Variants in SORL1 observed in about 807,000 individuals in gnomAD.
The protein encoded by SORL1 is sortilin related receptor 1.
SORL1 carries 127 observed loss-of-function variants against 273.7 expected under a neutral mutation model. The ratio of observed to expected loss-of-function variants is 0.46; its 90% CI spans 0.40 to 0.54. The LOEUF is 0.54. SORL1 is among the 20% of genes least tolerant of loss of function. The probability of loss-of-function intolerance (pLI) is 0.00; values close to 1 mark genes in which losing one functional copy is unlikely to be tolerated. For missense variants in SORL1, 2,494 were observed against 2,846.1 expected, an observed-to-expected ratio of 0.88 and a Z score of 2.81; for synonymous variants, 1,031 against 1,067.4, an observed-to-expected ratio of 0.97 and a Z score of 0.66.
chr11:121,532,675 A>T, intron 12 of SORL1, 123 bp downstream of exon 12: 3 of 756,756 alleles, frequency 4.0e-6, no homozygotes, highest in Admixed American at 2.7e-5. Flanking sequence ...TGATCTCTGG[A>T]TATGAGTTAA....
intron 26 of SORL1, among the ~76,000 whole-genome samples, chr11:121,585,919 A>G (rs1229490599): frequency 6.6e-6 from 1 of 152,148 alleles, no homozygotes; most frequent in African/African-American, 2.4e-5. Context: ...TTGCAATGCA[A>G]CACTTGTACT....
chr11:121,500,343 G>T lies in SORL1; in HGVS notation c.939+3294G>T, dbSNP rs766136414. ...ATATTTCTTGCACAAATGTGTATCA[G>T]TAAGCAAAGACATGATCTGTGGACT... On this transcript the variant is annotated intron_variant, in intron 6 of 47. Coordinates refer to ENST00000260197, the MANE Select transcript of SORL1 (RefSeq NM_003105.6). Among the ~76,000 whole-genome samples the T allele has an allele frequency of 2.6e-5, 4 of 152,202 alleles. No homozygotes were observed. The South Asian group carries it at 8.3e-4, about 32-fold the overall frequency.
Position 121,577,236 on chromosome 11 carries a change from A to C in SORL1, c.3461-45A>C, listed in dbSNP as rs775886719. ...CTTTGACACCAGAGACAAAATTCTGAACAAGCTTTTGTCCTCACCTCTCTG... is the reference window on the plus strand; with the variant it reads ...CTTTGACACCAGAGACAAAATTCTGCACAAGCTTTTGTCCTCACCTCTCTG... On this transcript the variant is annotated intron_variant, in intron 24 of 47. Transcript: ENST00000260197. The C allele has an allele frequency of 4.5e-6, 7 of 1,544,454 alleles. No homozygotes were observed. In the Admixed American group the frequency reaches 1.0e-4, roughly 22 times the overall value.
chr11:121,600,424 G>T (rs1157238885), intron 32 of SORL1, among the ~76,000 whole-genome samples: 3 of 152,222 alleles, frequency 2.0e-5, no homozygotes, highest in Non-Finnish European at 2.9e-5. Flanking sequence ...TAGACTCCTA[G>T]AGTGTTAAAC....
At chr11:121,456,939 G>A (rs1429199560) in intron 1 of SORL1, among the ~76,000 whole-genome samples, 2 of 152,176 alleles carry the variant, frequency 1.3e-5, no homozygotes, top group East Asian at 3.8e-4. Flanking sequence ...GGAAAGAATT[G>A]GCTGGTTGAT....
At chr11:121,455,543 C>A (rs886203429) in intron 1 of SORL1, among the ~76,000 whole-genome samples, 1 of 152,238 alleles carries the variant, frequency 6.6e-6, no homozygotes, top group Non-Finnish European at 1.5e-5. Context: ...TCCTCTGCTT[C>A]GCTAATGTCT....
At chr11:121,560,776 G>A (rs1565336855) in intron 21 of SORL1, among the ~76,000 whole-genome samples, 1 of 152,184 alleles carries the variant, frequency 6.6e-6, no homozygotes, top group Non-Finnish European at 1.5e-5. Context: ...TATTTGTTAT[G>A]TCTTCACCAC....
intron 6 of SORL1, among the ~76,000 whole-genome samples, chr11:121,508,573 G>C (rs1565319052): frequency 6.6e-6 from 1 of 152,196 alleles, no homozygotes; most frequent in Non-Finnish European, 1.5e-5. Context: ...CCCCCAGACA[G>C]GTCAGGCTTT....
chr11:121,513,243 C>A, intron 7 of SORL1, 139 bp downstream of exon 7: 1 of 689,952 alleles, frequency 1.4e-6, no homozygotes, highest in South Asian at 1.6e-5. Flanking sequence ...GAGAGTGCAG[C>A]TATGCTTTGG....
intron 40 of SORL1, 127 bp from the exon 41 acceptor site, chr11:121,614,744 T>C: frequency 1.4e-6 from 1 of 726,402 alleles, no homozygotes; most frequent in Non-Finnish European, 2.4e-6. Context: ...ATGACAGTCC[T>C]ACAGCACATG....
At chr11:121,569,120 C>T (rs998032849) in intron 22 of SORL1, among the ~76,000 whole-genome samples, 12 of 152,308 alleles carry the variant, frequency 7.9e-5, no homozygotes, top group Admixed American at 5.9e-4. Context: ...GAAGATTTCA[C>T]GGACACTTAT....
At chr11:121,535,230 A>G (rs1342297687) in intron 12 of SORL1, among the ~76,000 whole-genome samples, 2 of 152,158 alleles carry the variant, frequency 1.3e-5, no homozygotes, top group African/African-American at 4.8e-5. Flanking sequence ...GGCTCCCTGG[A>G]TGTGTGCAAC....
chr11:121,558,811 C>G lies in SORL1; in HGVS notation c.2884C>G (p.His962Asp), dbSNP rs767935831. Residue 962 changes from histidine to aspartate, a missense_variant, in exon 20 of 48, where the codon CAC becomes GAC. By Grantham distance (81) the His-to-Asp change is moderately conservative. Coordinates refer to ENST00000260197, the MANE Select transcript of SORL1 (RefSeq NM_003105.6). ...CTCTGTCATTCTGGACAACCTCCCG[C>G]ACCCCTATGCCATTGCTGTCTTTAA... ...QRSVILDNLP[H>D]PYAIAVFKNE... The G allele has an allele frequency of 6.2e-7, 1 of 1,614,180 alleles. No individual in the cohort carries two copies. The highest frequency in any genetic ancestry group is 8.5e-7 in the Non-Finnish European group (1 of 1,180,030).
chr11:121,562,820 T>C (rs2134915776), intron 21 of SORL1, among the ~76,000 whole-genome samples: 1 of 152,342 alleles, frequency 6.6e-6, no homozygotes, highest in East Asian at 1.9e-4. Context: ...ACGAACCTTC[T>C]ATCTCTGAAA....
chr11:121,521,064 G>GA (rs34516204), intron 9 of SORL1, among the ~76,000 whole-genome samples: 10,486 of 141,646 alleles, frequency 0.074, 539 homozygotes, highest in Non-Finnish European at 0.11. Context: ...AAGCAACTCA[G>GA]AAAAAAAAAA....
intron 38 of SORL1, chr11:121,609,033 G>A (rs1863520881): frequency 6.6e-6 from 1 of 152,224 alleles, no homozygotes; most frequent in African/African-American, 2.4e-5. Context: ...GTGAATCGAA[G>A]CAGTTAAATG....
chr11:121,477,631 T>C (rs977526838), intron 2 of SORL1, among the ~76,000 whole-genome samples: 2 of 152,196 alleles, frequency 1.3e-5, no homozygotes, highest in African/African-American at 4.8e-5. Context: ...GGGACAGACA[T>C]AGAGGTGCCC....
At chr11:121,588,280 C>A in intron 28 of SORL1, 129 bp downstream of exon 28, 1 of 964,592 alleles carries the variant, frequency 1.0e-6, no homozygotes, top group Non-Finnish European at 1.6e-6. Flanking sequence ...GGTTTGACCA[C>A]CCTGGAGTTG....
chr11:121,479,175 A>G (rs1027952374), intron 3 of SORL1, among the ~76,000 whole-genome samples: 4 of 152,192 alleles, frequency 2.6e-5, no homozygotes, highest in Admixed American at 2.6e-4. Flanking sequence ...CAGTTAGGCA[A>G]TTTGATTTGA....
Sources: gnomAD v4.1 joint callset for allele counts (sites outside exome capture counted in the v4.1 genomes callset) on GRCh38, gnomAD v4.1.1 for gene constraint, MANE v1.5 for transcripts, NCBI Gene and HGNC (gene_info 2026-07-23, HGNC 2026-07-21) for gene names.